The following BTRC variants were observed in gnomAD, a reference collection of about 807,000 sequenced individuals.
BTRC encodes beta-transducin repeat containing E3 ubiquitin protein ligase.
Under a neutral mutation model 85.5 loss-of-function variants are expected in BTRC, and 42 were observed. That is an observed-to-expected ratio of 0.49 (90% CI 0.38 to 0.64). The LOEUF (loss-of-function observed/expected upper bound fraction) is 0.64. BTRC is among the 30% of genes least tolerant of loss of function. The probability of loss-of-function intolerance (pLI) is 0.00; values close to 1 mark genes in which losing one functional copy is unlikely to be tolerated. For missense variants in BTRC, 594 were observed against 743.5 expected, an observed-to-expected ratio of 0.80 and a Z score of 2.34; for synonymous variants, 255 against 263.3, an observed-to-expected ratio of 0.97 and a Z score of 0.30.
intron 2 of BTRC, among the ~76,000 whole-genome samples, chr10:101,461,685 A>G (rs1945229135): frequency 6.6e-6 from 1 of 152,202 alleles, no homozygotes; most frequent in Non-Finnish European, 1.5e-5. Context: ...TCTTGTATCC[A>G]GTGTCAACCT....
intron 2 of BTRC, among the ~76,000 whole-genome samples, chr10:101,441,319 C>T (rs1349750264): frequency 1.3e-5 from 2 of 152,206 alleles, no homozygotes; most frequent in Admixed American, 1.3e-4. Context: ...GGGCTTTTTA[C>T]AACCACACCT....
chr10:101,421,375 C>G (rs1012418391), intron 1 of BTRC, among the ~76,000 whole-genome samples: 1 of 152,128 alleles, frequency 6.6e-6, no homozygotes, highest in Admixed American at 6.5e-5. Context: ...TAACACTATT[C>G]TAGATAGTCA....
intron 1 of BTRC, among the ~76,000 whole-genome samples, chr10:101,429,534 C>T (rs1027177718): frequency 1.6e-5 from 2 of 126,828 alleles, no homozygotes; most frequent in Admixed American, 8.7e-5. Context: ...CTTCCTCCTC[C>T]TCCTCCTCCT....
chr10:101,486,372 T>C (rs1385294779), intron 4 of BTRC, among the ~76,000 whole-genome samples: 1 of 151,928 alleles, frequency 6.6e-6, no homozygotes, highest in African/African-American at 2.4e-5. Flanking sequence ...CAGCACGTTT[T>C]GCGGAGTGCA....
chr10:101,404,999 A>T (rs376742991), intron 1 of BTRC, among the ~76,000 whole-genome samples: 1 of 14,660 alleles, frequency 6.8e-5, no homozygotes, highest in African/African-American at 5.5e-4. Flanking sequence ...ATCCATCTTA[A>T]AAAAAAAAAA....
Position 101,436,625 on chromosome 10 carries a change from AATAGATAG to A in BTRC, c.156+6212_156+6219del, listed in dbSNP as rs113369211. ...GTGAGACCCTGTTTCAATTAAAAAA[AATAGATAG>A]ATAGATAGATAGATAGATAGATAGA... On this transcript the variant is annotated intron_variant, in intron 2 of 14. Transcript: ENST00000370187. 5.7e-3 allele frequency among the ~76,000 whole-genome samples: 842 copies of A among 147,078 alleles called. 2 individuals carry two copies. The highest frequency in any genetic ancestry group is 0.014 in the Middle Eastern group (4 of 284).
rs2062371313 is a variant in BTRC at position 101,535,406 on chromosome 10, G to A, written c.1400G>A (p.Arg467Gln). The change falls in exon 11 of 15, where the codon CGA becomes CAA. Residue 467 changes from arginine to glutamine, a missense_variant. Transcript: ENST00000370187. The part of the protein sequence containing the change: ...EFVRTLNGHK[R>Q]GIACLQYRDR... ...GTAAGGACCTTAAATGGACACAAACGAGGCATTGCCTGTTTGCAGTACAGG... is the reference window on the plus strand; with the variant it reads ...GTAAGGACCTTAAATGGACACAAACAAGGCATTGCCTGTTTGCAGTACAGG... 2 of 1,614,080 alleles carry A rather than the reference G, an allele frequency of 1.2e-6. No homozygotes were observed. Among genetic ancestry groups the A allele is most frequent in the East Asian group, 2.2e-5 (1 of 44,878 alleles).
intron 1 of BTRC, among the ~76,000 whole-genome samples, chr10:101,406,947 G>C (rs1044298903): frequency 6.6e-6 from 1 of 150,816 alleles, no homozygotes; most frequent in Admixed American, 6.6e-5. Context: ...CATCTGTCCT[G>C]ATCATCTGTC....
chr10:101,518,260 T>C (rs1016367380), intron 4 of BTRC, among the ~76,000 whole-genome samples: 2 of 152,204 alleles, frequency 1.3e-5, no homozygotes, highest in African/African-American at 4.8e-5. Context: ...CATATAGTTT[T>C]AAAGGACCAC....
At chr10:101,387,651 C>A (rs775592424) in intron 1 of BTRC, among the ~76,000 whole-genome samples, 1 of 148,900 alleles carries the variant, frequency 6.7e-6, no homozygotes, top group Admixed American at 6.8e-5. Flanking sequence ...CTCACCTTCC[C>A]GAGTTGTTGG....
At chr10:101,517,289 A>G (rs1589582815) in intron 4 of BTRC, among the ~76,000 whole-genome samples, 1 of 152,186 alleles carries the variant, frequency 6.6e-6, no homozygotes, top group South Asian at 2.1e-4. Context: ...TCAGCTGTGT[A>G]TCTTTACTTT....
At chr10:101,537,768 G>A (rs1418023395) in intron 12 of BTRC, among the ~76,000 whole-genome samples, 2 of 152,172 alleles carry the variant, frequency 1.3e-5, no homozygotes, top group Admixed American at 6.5e-5. Context: ...TCAGAGTGTG[G>A]TGACATGTTC....
intron 2 of BTRC, among the ~76,000 whole-genome samples, chr10:101,448,061 G>T (rs866515184): frequency 1.3e-5 from 2 of 152,236 alleles, no homozygotes; most frequent in South Asian, 2.1e-4. Flanking sequence ...AGCAATGGCA[G>T]CATAATCAAA....
intron 1 of BTRC, among the ~76,000 whole-genome samples, chr10:101,390,353 TCCGAGACGGAGTCTCGC>T (rs1564743600): frequency 5.6e-5 from 8 of 142,666 alleles, no homozygotes; most frequent in Non-Finnish European, 6.2e-5. Context: ...TTTTTTTTTT[TCCGAGACGGAGTCTCGC>T]TTTGTTCCCC....
At chr10:101,467,003 C>T (rs773184051) in intron 3 of BTRC, among the ~76,000 whole-genome samples, 4 of 152,140 alleles carry the variant, frequency 2.6e-5, no homozygotes, top group Non-Finnish European at 5.9e-5. Flanking sequence ...AAGCACATCA[C>T]TGACACAGAA....
chr10:101,511,545 T>TTTTGG lies in BTRC; in HGVS notation c.325-10091_325-10090insGGTTT, dbSNP rs1554890932. 4.7e-3 allele frequency among the ~76,000 whole-genome samples: 697 copies of TTTTGG among 147,618 alleles called. 3 individuals are homozygous for TTTTGG. Among genetic ancestry groups the TTTTGG allele is most frequent in the Middle Eastern group, 0.014 (4 of 276 alleles). ...CCCAGCTAATTTTTGTATTTTGGGT[T>TTTTGG]TTTTGTTTTGTTTTGTTTTGTTTTG... On this transcript the variant is annotated intron_variant, in intron 4 of 14. Coordinates refer to ENST00000370187, the MANE Select transcript of BTRC (RefSeq NM_033637.4).
At position 101,557,196 on chromosome 10, in the gene BTRC, G is replaced by A. The variant is rs767435335; in HGVS notation, c.*4073G>A. The A allele has an allele frequency of 5.9e-5, 9 of 152,188 alleles. No individual in the cohort carries two copies. Among genetic ancestry groups the A allele is most frequent in the Non-Finnish European group, 1.3e-4 (9 of 68,042 alleles). The allele number at this position is 152,188 out of a possible 1,614,324, so 9.4% of individuals were successfully genotyped here. The stretch of plus-strand genomic sequence containing the variant: ...TTGACTTTTGTGATTATGTTATGGT[G>A]ATGTGTAGTCAGTGTACCAATATGT... On this transcript the variant is annotated 3_prime_UTR_variant, in exon 15 of 15. Transcript: ENST00000370187.
intron 4 of BTRC, among the ~76,000 whole-genome samples, chr10:101,512,949 AG>A (rs1489457635): frequency 5.9e-5 from 9 of 152,228 alleles, no homozygotes; most frequent in Non-Finnish European, 1.0e-4. Flanking sequence ...CTTGAACAGT[AG>A]TGGTTGAGTC....
chr10:101,426,813 C>G (rs1393992725), intron 1 of BTRC, among the ~76,000 whole-genome samples: 4 of 152,312 alleles, frequency 2.6e-5, no homozygotes, highest in African/African-American at 9.6e-5. Context: ...CTAGACCCAG[C>G]TGTGCTTGCT....
Sources: gnomAD v4.1 joint callset for allele counts (sites outside exome capture counted in the v4.1 genomes callset) on GRCh38, gnomAD v4.1.1 for gene constraint, MANE v1.5 for transcripts, NCBI Gene and HGNC (gene_info 2026-07-23, HGNC 2026-07-21) for gene names.